The following TPD52 variants were observed in gnomAD, a reference collection of about 807,000 sequenced individuals.
The protein encoded by TPD52 is prostate and colon associated protein.
TPD52 carries 17 observed loss-of-function variants against 31.3 expected under a neutral mutation model. The observed-to-expected ratio is 0.54, with a 90% CI of 0.37 to 0.82. TPD52 has a LOEUF of 0.82. Ranked by LOEUF, TPD52 falls within the 40% of genes least tolerant of loss-of-function variation. The pLI is 0.00. For synonymous variants in TPD52, 83 were observed against 89.6 expected, an observed-to-expected ratio of 0.93 and a Z score of 0.42; for missense variants, 212 against 240.1, an observed-to-expected ratio of 0.88 and a Z score of 0.77.
intron 1 of TPD52, among the ~76,000 whole-genome samples, chr8:80,139,320 T>C (rs748047077): frequency 6.6e-5 from 10 of 152,208 alleles, no homozygotes; most frequent in Non-Finnish European, 1.3e-4. Flanking sequence ...GTTTTTAGTA[T>C]ATTCACAGAG....
chr8:80,156,605 G>A (rs1305831828), intron 1 of TPD52, among the ~76,000 whole-genome samples: 2 of 152,196 alleles, frequency 1.3e-5, no homozygotes, highest in African/African-American at 4.8e-5. Flanking sequence ...TAGGAGACCT[G>A]AGGACGTGTG....
At chr8:80,084,173 C>T (rs1333572648) in intron 1 of TPD52, among the ~76,000 whole-genome samples, 1 of 152,170 alleles carries the variant, frequency 6.6e-6, no homozygotes, top group Non-Finnish European at 1.5e-5. Context: ...CATCTGCTAT[C>T]TTGTCAATTT....
intron 5 of TPD52, among the ~76,000 whole-genome samples, chr8:80,049,813 C>T (rs1349917138): frequency 2.0e-5 from 3 of 152,032 alleles, no homozygotes; most frequent in African/African-American, 7.2e-5. Flanking sequence ...TATTCTTTTC[C>T]CTTTTTCAAA....
At chr8:80,136,224 T>G (rs1262710397) in intron 1 of TPD52, among the ~76,000 whole-genome samples, 2 of 141,482 alleles carry the variant, frequency 1.4e-5, no homozygotes, top group Non-Finnish European at 3.1e-5. Context: ...AAACAAAAGT[T>G]GACATTTAAG....
At chr8:80,081,836 C>A (rs1190880360) in intron 1 of TPD52, among the ~76,000 whole-genome samples, 1 of 152,154 alleles carries the variant, frequency 6.6e-6, no homozygotes, top group Non-Finnish European at 1.5e-5. Flanking sequence ...CAGAGCTTCG[C>A]TCTTGTGACC....
chr8:80,057,784 A>C (rs1812059089), intron 2 of TPD52, among the ~76,000 whole-genome samples: 1 of 152,188 alleles, frequency 6.6e-6, no homozygotes, highest in Non-Finnish European at 1.5e-5. Context: ...ACAAACCCGC[A>C]CATGTACCCC....
intron 1 of TPD52, among the ~76,000 whole-genome samples, chr8:80,087,807 CAG>C (rs1171300539): frequency 2.0e-5 from 3 of 152,148 alleles, no homozygotes; most frequent in Non-Finnish European, 4.4e-5. Flanking sequence ...GGTGAGAGGG[CAG>C]AGAGGCTGAG....
In TPD52 at chr8:80,035,963, T is replaced by C. The variant is rs1420329712; in HGVS notation, c.*2153A>G. On this transcript the variant is annotated 3_prime_UTR_variant, in exon 8 of 8. Coordinates refer to ENST00000518937, the MANE Select transcript of TPD52 (RefSeq NM_001025253.3). Reference sequence around the variant, plus strand: ...AAAACCATTTTGAATATTTCTAAATTCATGTTTTTTTCTAAATCCATCCTC... The same window carrying C: ...AAAACCATTTTGAATATTTCTAAATCCATGTTTTTTTCTAAATCCATCCTC... 1 of 152,228 alleles carries C rather than the reference T, an allele frequency of 6.6e-6. No homozygotes were observed. The highest frequency in any genetic ancestry group is 1.5e-5 in the Non-Finnish European group (1 of 68,034). The allele number at this position is 152,228 out of a possible 1,614,324, so 9.4% of individuals were successfully genotyped here.
intron 1 of TPD52, among the ~76,000 whole-genome samples, chr8:80,114,002 T>G (rs938727468): frequency 1.3e-5 from 2 of 152,158 alleles, no homozygotes; most frequent in Non-Finnish European, 2.9e-5. Flanking sequence ...CCCAGCACTT[T>G]GGGAAGTTGA....
Position 80,089,849 on chromosome 8 carries a change from C to T in TPD52, c.20-25256G>A, listed in dbSNP as rs182729682. On this transcript the variant is annotated intron_variant, in intron 1 of 7. Coordinates refer to ENST00000518937, the MANE Select transcript of TPD52 (RefSeq NM_001025253.3). ...CTAGAAAGTGGTAAAACTTAGGATT[C>T]CAATTCCATTGCTCTCAAGAAGCAA... Among the ~76,000 whole-genome samples the T allele has an allele frequency of 5.2e-4, 79 of 152,288 alleles. No homozygotes were observed. The East Asian group carries it at 0.014, about 26-fold the overall frequency.
intron 2 of TPD52, among the ~76,000 whole-genome samples, chr8:80,060,911 G>A (rs1434458576): frequency 1.3e-5 from 2 of 152,082 alleles, no homozygotes; most frequent in African/African-American, 2.4e-5. Flanking sequence ...AAAAAAGACA[G>A]GGATACCCAT....
chr8:80,139,565 C>A (rs1809677733), intron 1 of TPD52, among the ~76,000 whole-genome samples: 1 of 143,512 alleles, frequency 7.0e-6, no homozygotes, highest in Non-Finnish European at 1.5e-5. Context: ...ACTTCAAGGG[C>A]AGAGGTAAAG....
At chr8:80,129,633 T>A (rs1053990180) in intron 1 of TPD52, among the ~76,000 whole-genome samples, 1 of 152,114 alleles carries the variant, frequency 6.6e-6, no homozygotes, top group Non-Finnish European at 1.5e-5. Context: ...CTGATTTCAC[T>A]GACTTTAGCA....
At chr8:80,116,149 C>T (rs528608181) in intron 1 of TPD52, among the ~76,000 whole-genome samples, 7 of 152,088 alleles carry the variant, frequency 4.6e-5, no homozygotes, top group African/African-American at 1.2e-4. Context: ...AAGTACCCTA[C>T]AATATATCAA....
At chr8:80,075,257 G>A (rs981188869) in intron 1 of TPD52, among the ~76,000 whole-genome samples, 4 of 152,066 alleles carry the variant, frequency 2.6e-5, no homozygotes, top group African/African-American at 9.7e-5. Flanking sequence ...GATTACAGGC[G>A]TGAGCCACCA....
intron 5 of TPD52, among the ~76,000 whole-genome samples, chr8:80,049,972 A>G (rs1811203093): frequency 6.6e-6 from 1 of 152,170 alleles, no homozygotes; most frequent in Non-Finnish European, 1.5e-5. Context: ...ACAACAAAAA[A>G]AAAGGTAGAG....
chr8:80,067,341 A>G (rs1039272281), intron 1 of TPD52: 1 of 152,156 alleles, frequency 6.6e-6, no homozygotes, highest in Admixed American at 6.5e-5. Flanking sequence ...ATTATCATTA[A>G]AATTAAAAGG....
chr8:80,039,411 CCAAT>C (rs1810166510), intron 7 of TPD52, among the ~76,000 whole-genome samples: 1 of 152,108 alleles, frequency 6.6e-6, no homozygotes, highest in Non-Finnish European at 1.5e-5. Flanking sequence ...TGTTCTACAT[CCAAT>C]CAATCTTTTT....
At chr8:80,095,096 G>T (rs911108122) in intron 1 of TPD52, among the ~76,000 whole-genome samples, 5 of 152,072 alleles carry the variant, frequency 3.3e-5, no homozygotes, top group Non-Finnish European at 5.9e-5. Flanking sequence ...CTTTATTCAT[G>T]ATCACCAAAA....
Sources: allele counts gnomAD v4.1 joint callset (sites outside exome capture counted in the v4.1 genomes callset), GRCh38; gene constraint gnomAD v4.1.1; transcripts MANE v1.5; gene names NCBI Gene and HGNC (gene_info 2026-07-23, HGNC 2026-07-21).